The following PPP6R1 variants were observed in gnomAD, a reference collection of about 807,000 sequenced individuals.
PPP6R1 encodes protein phosphatase 6 regulatory subunit 1.
In PPP6R1, 39 loss-of-function variants were observed where a neutral mutation model predicts 104.6. The observed-to-expected ratio is 0.37, with a 90% CI of 0.29 to 0.49. PPP6R1 has a LOEUF of 0.49. Ranked by LOEUF, PPP6R1 falls within the 20% of genes least tolerant of loss-of-function variation. The probability of loss-of-function intolerance (pLI) is 0.98; values close to 1 mark genes in which losing one functional copy is unlikely to be tolerated. For missense variants in PPP6R1, 1,181 were observed against 1,155.8 expected, an observed-to-expected ratio of 1.02 and a Z score of -0.32; for synonymous variants, 549 against 479.0, an observed-to-expected ratio of 1.15 and a Z score of -1.91.
chr19:55,246,574 T>C (rs2087510464), intron 2 of PPP6R1, among the ~76,000 whole-genome samples: 1 of 152,208 alleles, frequency 6.6e-6, no homozygotes, highest in Admixed American at 6.5e-5. Flanking sequence ...CAGCCGGGCA[T>C]GTCGTCACAT....
chr19:55,240,448 T>C, intron 10 of PPP6R1, 148 bp from the exon 11 acceptor site: 1 of 788,278 alleles, frequency 1.3e-6, no homozygotes, highest in Non-Finnish European at 2.0e-6. Context: ...GGATGCAAGC[T>C]GGGGCTTGGG....
chr19:55,247,137 C>G, intron 1 of PPP6R1, 28 bp from the exon 2 acceptor site: 1 of 1,600,946 alleles, frequency 6.2e-7, no homozygotes, highest in Non-Finnish European at 8.5e-7. Context: ...ACCAGCGCCG[C>G]GTCAGACGCC....
At chr19:55,234,518 T>G (rs55684838) in intron 17 of PPP6R1, among the ~76,000 whole-genome samples, 1 of 152,100 alleles carries the variant, frequency 6.6e-6, no homozygotes, top group Non-Finnish European at 1.5e-5. Flanking sequence ...TAGCTCAAAA[T>G]GAATGGAAAA....
chr19:55,228,565 C>G (rs906657870), downstream of PPP6R1: 33 of 1,521,152 alleles, frequency 2.2e-5, no homozygotes, highest in African/African-American at 2.8e-5. Context: ...ATTCAGGGAC[C>G]AGGCTGCCAG....
At chr19:55,232,729 T>C (rs2087361396) in intron 17 of PPP6R1, 1 of 154,700 alleles carries the variant, frequency 6.5e-6, no homozygotes, top group African/African-American at 2.4e-5. Context: ...CACCCATAGC[T>C]GCTCCAAAAA....
rs2087503864 is a variant in PPP6R1 at position 55,245,869 on chromosome 19, G to A, written c.228-191C>T. Among the ~76,000 whole-genome samples, 1 of 152,038 alleles carries A rather than the reference G, an allele frequency of 6.6e-6. No homozygotes were observed. The highest frequency in any genetic ancestry group is 2.4e-5 in the African/African-American group (1 of 41,390). On this transcript the variant is annotated intron_variant, in intron 2 of 23. Coordinates refer to ENST00000412770, the MANE Select transcript of PPP6R1 (RefSeq NM_014931.4). This position sits in a 1 kb window ranked among gnomAD's most constrained non-coding sequence, Gnocchi z 6.4. ...GCCCACACCAGGCCTCCTCCACCCTGCTAACACCCAACCATCCCATCCTAG... is the reference window on the plus strand; with the variant it reads ...GCCCACACCAGGCCTCCTCCACCCTACTAACACCCAACCATCCCATCCTAG...
intron 17 of PPP6R1, among the ~76,000 whole-genome samples, chr19:55,235,143 G>T (rs4806651): frequency 0.91 from 139,029 of 151,972 alleles, 63,666 homozygotes; most frequent in Middle Eastern, 0.95. Context: ...TTAGTGTTCA[G>T]GCTGTCAAAT....
At chr19:55,251,093 C>T (rs1348826080) in intron 1 of PPP6R1, among the ~76,000 whole-genome samples, 3 of 152,174 alleles carry the variant, frequency 2.0e-5, no homozygotes, top group Non-Finnish European at 4.4e-5. Flanking sequence ...ACAGAAGGGC[C>T]TTCCCTGGCC....
intron 1 of PPP6R1, among the ~76,000 whole-genome samples, chr19:55,249,442 C>T (rs1002214788): frequency 3.3e-5 from 5 of 152,154 alleles, no homozygotes; most frequent in Non-Finnish European, 5.9e-5. Context: ...GATTTCACCA[C>T]GTTAGCCAGG....
At position 55,230,103 on chromosome 19, in the gene PPP6R1, T is replaced by G. The variant is rs933507799; in HGVS notation, c.*425A>C. On this transcript the variant is annotated 3_prime_UTR_variant, in exon 24 of 24. Coordinates refer to ENST00000412770, the MANE Select transcript of PPP6R1 (RefSeq NM_014931.4). ...CGGGTGTGGGCGTGGCCGTCTGCGC[T>G]GCAGCGTGGGACAGCTGGGCACGTG... 5.5e-6 allele frequency: 1 copy of G among 182,326 alleles called. No individual in the cohort carries two copies. Among genetic ancestry groups the G allele is most frequent in the Non-Finnish European group, 1.2e-5 (1 of 86,124 alleles). 11.3% of individuals were successfully genotyped at this position (182,326 alleles called of 1,614,324 possible).
intron 1 of PPP6R1, among the ~76,000 whole-genome samples, chr19:55,257,870 AG>A (rs1318268719): frequency 5.2e-4 from 79 of 152,378 alleles, no homozygotes; most frequent in African/African-American, 1.8e-3. Flanking sequence ...TCACTGAAGC[AG>A]GCCCGAGTGG....
chr19:55,246,749 C>A, intron 2 of PPP6R1, 128 bp downstream of exon 2: 3 of 945,434 alleles, frequency 3.2e-6, no homozygotes, highest in Non-Finnish European at 4.6e-6. Flanking sequence ...TGCTCCCAGC[C>A]TCGTCTTCCT....
At chr19:55,233,442 G>A (rs1259830499) in intron 17 of PPP6R1, among the ~76,000 whole-genome samples, 1 of 152,094 alleles carries the variant, frequency 6.6e-6, no homozygotes, top group Non-Finnish European at 1.5e-5. Context: ...TGTCCCGGAG[G>A]CTAGCCAGGG....
At chr19:55,254,718 T>C (rs1198063278) in intron 1 of PPP6R1, among the ~76,000 whole-genome samples, 1 of 152,002 alleles carries the variant, frequency 6.6e-6, no homozygotes, top group Non-Finnish European at 1.5e-5. Context: ...GCCGGTACCC[T>C]AGGAAGGGAA....
intron 17 of PPP6R1, chr19:55,232,776 A>C (rs1213668967): frequency 6.5e-6 from 1 of 152,852 alleles, no homozygotes; most frequent in African/African-American, 2.4e-5. Flanking sequence ...ACCTGTGAGC[A>C]TGAAGAAAAT....
intron 1 of PPP6R1, among the ~76,000 whole-genome samples, chr19:55,248,258 C>T (rs1197157054): frequency 1.3e-5 from 2 of 152,176 alleles, no homozygotes; most frequent in African/African-American, 4.8e-5. Context: ...ACCAGCAGCC[C>T]CCAAGAAAGC....
intron 5 of PPP6R1, among the ~76,000 whole-genome samples, chr19:55,243,904 C>T (rs1034329683): frequency 3.3e-5 from 5 of 152,212 alleles, no homozygotes; most frequent in African/African-American, 1.2e-4. Context: ...CCTCCAGCCT[C>T]ACCTGCCAAA....
In PPP6R1 at chr19:55,245,721, C is replaced by T. The variant is rs1568949214; in HGVS notation, c.228-43G>A. The T allele has an allele frequency of 1.8e-5, 11 of 623,496 alleles. No homozygotes were observed. Among genetic ancestry groups the T allele is most frequent in the African/African-American group, 3.8e-5 (2 of 52,444 alleles). 38.6% of individuals were successfully genotyped at this position (623,496 alleles called of 1,614,324 possible). Reference sequence around the variant, plus strand: ...GCGGGTGGGGGCTCGGGTCGGAGGCCGGGGGCAGGGGGCGGCAAGGCTCCA... The same window carrying T: ...GCGGGTGGGGGCTCGGGTCGGAGGCTGGGGGCAGGGGGCGGCAAGGCTCCA... On this transcript the variant is annotated intron_variant, in intron 2 of 23. Coordinates refer to ENST00000412770, the MANE Select transcript of PPP6R1 (RefSeq NM_014931.4). The surrounding 1 kb of genome is among the most constrained non-coding windows in gnomAD (Gnocchi z 6.4).
rs1364837709 is a variant in PPP6R1, at chr19:55,241,415, TC to T, written c.1009-25del. 6.3e-7 allele frequency: 1 copy of T among 1,599,030 alleles called. No individual in the cohort carries two copies. Among genetic ancestry groups the T allele is most frequent in the Non-Finnish European group, 8.5e-7 (1 of 1,170,732 alleles). On this transcript the variant is annotated intron_variant, in intron 8 of 23. Coordinates refer to ENST00000412770, the MANE Select transcript of PPP6R1 (RefSeq NM_014931.4). This position sits in a 1 kb window ranked among gnomAD's most constrained non-coding sequence, Gnocchi z 5.4. ...AGCTGCAGACACAGGGAGGCCTGAT[TC>T]CCAAGGGCTGCCCTTCCTGCTTCCC...
Sources: allele counts gnomAD v4.1 joint callset (sites outside exome capture counted in the v4.1 genomes callset), GRCh38; gene constraint gnomAD v4.1.1; non-coding constraint Gnocchi (gnomAD v3.1); transcripts MANE v1.5; gene names NCBI Gene and HGNC (gene_info 2026-07-23, HGNC 2026-07-21).